FOXJ3: variants seen among roughly 807,000 people sequenced by gnomAD.
The protein encoded by FOXJ3 is forkhead box protein J3.
FOXJ3 carries 22 observed loss-of-function variants against 76.1 expected under a neutral mutation model. The observed-to-expected ratio is 0.29, with a 90% CI of 0.21 to 0.41. The LOEUF is 0.41. FOXJ3 is among the 10% of genes least tolerant of loss of function. FOXJ3 has a pLI of 1.00. For missense variants in FOXJ3, 613 were observed against 762.1 expected, an observed-to-expected ratio of 0.80 and a Z score of 2.30; for synonymous variants, 269 against 261.2, an observed-to-expected ratio of 1.03 and a Z score of -0.29.
At chr1:42,250,176 A>G (rs1191410073) in intron 4 of FOXJ3, among the ~76,000 whole-genome samples, 2 of 152,232 alleles carry the variant, frequency 1.3e-5, no homozygotes, top group Non-Finnish European at 2.9e-5. Context: ...AAAGTGACAT[A>G]GTATTTTAGG....
rs1653448956 is a variant in FOXJ3, at chr1:42,291,716, G to A, written c.45-13044C>T. On this transcript the variant is annotated intron_variant, in intron 2 of 12. Coordinates refer to ENST00000361346, the MANE Select transcript of FOXJ3 (RefSeq NM_014947.5). The stretch of plus-strand genomic sequence containing the variant: ...GATCGCCGGAGCCCAGGAGTTCAAG[G>A]CTGCAGTGAGCTATGATCATGCCAC... Among the ~76,000 whole-genome samples the A allele has an allele frequency of 2.0e-5, 3 of 152,166 alleles. No homozygotes were observed. The South Asian group carries it at 6.2e-4, about 32-fold the overall frequency.
At chr1:42,228,025 G>A (rs1219721274) in intron 4 of FOXJ3, 59 bp from the exon 5 acceptor site, 1 of 845,822 alleles carries the variant, frequency 1.2e-6, no homozygotes, top group African/African-American at 1.7e-5. Flanking sequence ...TATTAAAATG[G>A]ATTTTTATAA....
intron 4 of FOXJ3, among the ~76,000 whole-genome samples, chr1:42,251,706 A>ATTTTTTTTTTTTTTTTTTTT (rs1168120638): frequency 1.1e-5 from 1 of 87,570 alleles, no homozygotes; most frequent in African/African-American, 4.9e-5. Flanking sequence ...GTTTGCCAGT[A>ATTTTTTTTTTTTTTTTTTTT]TTTTTTTTTT....
At chr1:42,201,523 GAAC>G (rs2124290307) in intron 6 of FOXJ3, among the ~76,000 whole-genome samples, 1 of 152,284 alleles carries the variant, frequency 6.6e-6, no homozygotes, top group Non-Finnish European at 1.5e-5. Flanking sequence ...ATGAACAGAA[GAAC>G]AACAGCAGAT....
chr1:42,181,644 G>A (rs1221107279), intron 12 of FOXJ3, among the ~76,000 whole-genome samples: 6 of 152,198 alleles, frequency 3.9e-5, no homozygotes, highest in Non-Finnish European at 8.8e-5. Context: ...GCTAGCACAA[G>A]TGCCAAGTGG....
At chr1:42,199,493 T>C (rs1001015277) in intron 6 of FOXJ3, among the ~76,000 whole-genome samples, 1 of 152,182 alleles carries the variant, frequency 6.6e-6, no homozygotes, top group African/African-American at 2.4e-5. Flanking sequence ...AATTAGCCCA[T>C]AAACATTTAA....
intron 9 of FOXJ3, among the ~76,000 whole-genome samples, chr1:42,190,827 T>C (rs1446215356): frequency 1.3e-5 from 2 of 152,174 alleles, no homozygotes; most frequent in Non-Finnish European, 2.9e-5. Flanking sequence ...AGCGACTGGG[T>C]GAGCAAACCC....
At chr1:42,330,718 A>G (rs930595169) in intron 1 of FOXJ3, among the ~76,000 whole-genome samples, 1 of 152,228 alleles carries the variant, frequency 6.6e-6, no homozygotes, top group African/African-American at 2.4e-5. Context: ...CCAGGAAATT[A>G]CATGAGAATT....
intron 11 of FOXJ3, among the ~76,000 whole-genome samples, chr1:42,185,710 C>T (rs753396856): frequency 1.3e-5 from 2 of 151,946 alleles, no homozygotes; most frequent in Non-Finnish European, 2.9e-5. Context: ...CTTTAAGCAA[C>T]GCATCAAATT....
chr1:42,191,398 G>A lies in FOXJ3; in HGVS notation c.1256C>T (p.Ser419Phe), dbSNP rs766263914. The A allele has an allele frequency of 9.3e-6, 15 of 1,608,308 alleles. No homozygotes were observed. Among genetic ancestry groups the A allele is most frequent in the Non-Finnish European group, 9.4e-6 (11 of 1,175,296 alleles). Reference sequence around the variant, plus strand: ...ATGGTGCTGTATGTGTTGATGTGGAGAGGGATGCTGGGGGTGAGGGGACTG... The same window carrying A: ...ATGGTGCTGTATGTGTTGATGTGGAAAGGGATGCTGGGGGTGAGGGGACTG... Reference protein sequence around the residue: ...QLQSPHPQHPSPHQHIQHHPN... With the variant: ...QLQSPHPQHPFPHQHIQHHPN... The change falls in exon 9 of 13, where the codon TCT becomes TTT. Residue 419 changes from serine (S) to phenylalanine (F), a missense_variant. This residue lies in a region of FOXJ3 where 526 missense variants were observed against 601.4 expected (regional missense o/e 0.87). Transcript: ENST00000361346.
intron 11 of FOXJ3, among the ~76,000 whole-genome samples, chr1:42,183,561 C>T (rs694930): frequency 0.29 from 44,101 of 151,610 alleles, 7,047 homozygotes; most frequent in African/African-American, 0.43. Context: ...ATTATAAAAG[C>T]GGTTCACATT....
intron 4 of FOXJ3, among the ~76,000 whole-genome samples, chr1:42,260,983 C>G (rs1650988158): frequency 6.6e-6 from 1 of 152,264 alleles, no homozygotes; most frequent in Admixed American, 6.5e-5. Flanking sequence ...AAACTAAGCC[C>G]TATAATCCTT....
intron 2 of FOXJ3, among the ~76,000 whole-genome samples, chr1:42,310,732 G>T (rs774674757): frequency 7.2e-5 from 11 of 152,110 alleles, no homozygotes; most frequent in Non-Finnish European, 1.6e-4. Context: ...GTACAGATGT[G>T]AGCCACCGCG....
chr1:42,196,305 G>A (rs190945419), intron 7 of FOXJ3, among the ~76,000 whole-genome samples: 12 of 152,240 alleles, frequency 7.9e-5, no homozygotes, highest in African/African-American at 2.6e-4. Context: ...GGCCTTACAG[G>A]ATCAAACTAT....
intron 1 of FOXJ3, among the ~76,000 whole-genome samples, chr1:42,316,003 T>C (rs1012130024): frequency 6.6e-6 from 1 of 152,230 alleles, no homozygotes; most frequent in African/African-American, 2.4e-5. Context: ...CAGAAAAGCA[T>C]GGAATTTCTT....
At chr1:42,295,131 G>GA (rs1282920282) in intron 2 of FOXJ3, among the ~76,000 whole-genome samples, 2 of 152,106 alleles carry the variant, frequency 1.3e-5, no homozygotes, top group African/African-American at 4.8e-5. Context: ...CATATTGGTG[G>GA]AGACTGGGCT....
intron 4 of FOXJ3, among the ~76,000 whole-genome samples, chr1:42,257,993 C>T (rs1650737848): frequency 1.3e-5 from 2 of 152,134 alleles, no homozygotes; most frequent in Admixed American, 1.3e-4. Flanking sequence ...ACCAAAAATG[C>T]TAATATTAAT....
intron 1 of FOXJ3, among the ~76,000 whole-genome samples, chr1:42,319,435 C>T (rs1055649843): frequency 1.3e-5 from 2 of 152,090 alleles, no homozygotes; most frequent in African/African-American, 2.4e-5. Context: ...TTACATCAAA[C>T]GTCCAAAATA....
intron 3 of FOXJ3, among the ~76,000 whole-genome samples, chr1:42,275,227 A>G (rs1489732853): frequency 1.3e-5 from 2 of 152,176 alleles, no homozygotes; most frequent in Non-Finnish European, 2.9e-5. Flanking sequence ...TCTCTAATAA[A>G]TCCAGTCAAA....
Sources: gnomAD v4.1 joint callset for allele counts (sites outside exome capture counted in the v4.1 genomes callset) on GRCh38, gnomAD v4.1.1 for gene constraint, gnomAD v4.1.1 regional missense constraint, MANE v1.5 for transcripts, NCBI Gene and HGNC (gene_info 2026-07-23, HGNC 2026-07-21) for gene names.